Variants in SAMD7 observed in about 807,000 individuals in gnomAD.
SAMD7 encodes the protein sterile alpha motif domain containing 7.
In SAMD7, 34 loss-of-function variants were observed where a neutral mutation model predicts 36.7. The ratio of observed to expected loss-of-function variants is 0.93; its 90% CI spans 0.71 to 1.23. SAMD7 has a LOEUF of 1.23. Ranked by LOEUF, SAMD7 falls within the 50% of genes most tolerant of loss-of-function variation. The pLI is 0.00. For missense variants in SAMD7, 570 were observed against 546.6 expected (o/e 1.04, Z -0.43); for synonymous variants, 188 against 189.7 (o/e 0.99, Z 0.07).
At chr3:169,916,643 G>A (rs1033247832) in intron 2 of SAMD7, among the ~76,000 whole-genome samples, 2 of 152,168 alleles carry the variant, frequency 1.3e-5, no homozygotes, top group African/African-American at 4.8e-5. Flanking sequence ...GTGAGACTCT[G>A]TCTCAAAACA....
rs144829875 is a variant in SAMD7, at chr3:169,927,015, C to A, written c.753C>A (p.Thr251=). 8.9e-5 allele frequency: 143 copies of A among 1,613,768 alleles called. No homozygotes were observed. In the African/African-American group the frequency reaches 1.6e-3, roughly 18 times the overall value. The part of the protein sequence containing the change: ...NEKPTTALAN[T]CGELEPTHRK... The stretch of plus-strand genomic sequence containing the variant: ...AGCCAACGACAGCTCTTGCCAACAC[C>A]TGTGGAGAGCTCGAGCCCACCCATA... Residue 251 remains threonine, a synonymous_variant, in exon 6 of 9, where the codon ACC becomes ACA. Coordinates refer to ENST00000335556, the MANE Select transcript of SAMD7 (RefSeq NM_001304366.2).
At position 169,926,899 on chromosome 3, in the gene SAMD7, A is replaced by G. The variant is rs1165788812; in HGVS notation, c.637A>G (p.Thr213Ala). 1 of 1,613,830 alleles carries G rather than the reference A, an allele frequency of 6.2e-7. No individual in the cohort carries two copies. Among genetic ancestry groups the G allele is most frequent in the Admixed American group, 1.7e-5 (1 of 59,960 alleles). The stretch of plus-strand genomic sequence containing the variant: ...AGCAGAAGAAAAAATCCTAGGTCAG[A>G]CTCATGCAGTTCCCTATGAAGAGGA... ...SQAEEKILGQ[T>A]HAVPYEEDHY... The change falls in exon 6 of 9, where the codon ACT (threonine) becomes GCT (alanine). Residue 213 changes from threonine (T) to alanine (A), a missense_variant. Thr to Ala is a moderately conservative substitution (Grantham distance 58). Transcript: ENST00000335556.
intron 2 of SAMD7, among the ~76,000 whole-genome samples, chr3:169,918,181 G>A (rs942263006): frequency 5.3e-5 from 8 of 151,530 alleles, no homozygotes; most frequent in East Asian, 1.9e-4. Context: ...CAAACGATCC[G>A]CCTGCCTCAG....
At chr3:169,912,831 C>T (rs965333329) in intron 1 of SAMD7, among the ~76,000 whole-genome samples, 12 of 152,150 alleles carry the variant, frequency 7.9e-5, no homozygotes, top group African/African-American at 2.7e-4. Context: ...CCAAGTGCTT[C>T]GGTATGAACT....
chr3:169,920,477 T>G (rs975228845), intron 3 of SAMD7, among the ~76,000 whole-genome samples: 1 of 152,198 alleles, frequency 6.6e-6, no homozygotes, highest in African/African-American at 2.4e-5. Flanking sequence ...ATTACCTCCT[T>G]AAAGGCCCTA....
chr3:169,928,711 C>A, intron 7 of SAMD7, 133 bp downstream of exon 7: 1 of 915,210 alleles, frequency 1.1e-6, no homozygotes, highest in Non-Finnish European at 1.7e-6. Context: ...ATGCCAGTGT[C>A]TACCCTGGGA....
chr3:169,927,167 G>A lies in SAMD7; in HGVS notation c.905G>A (p.Arg302Gln), dbSNP rs750348887. 11 of 1,528,818 alleles carry A rather than the reference G, an allele frequency of 7.2e-6. No individual in the cohort carries two copies. The Middle Eastern group carries it at 5.4e-4, about 75-fold the overall frequency. 94.7% of individuals were successfully genotyped at this position (1,528,818 alleles called of 1,614,324 possible). Residue 302 changes from arginine to glutamine, a missense_variant, in exon 6 of 9, where the codon CGA becomes CAA. Transcript: ENST00000335556. ...AATGGGGTTTGCCCTCCAGTTCCTC[G>A]ACCATCTCTGCCAGGTGGGTGTCCA... Reference protein sequence around the residue: ...EKNGVCPPVPRPSLPGTHALV... With the variant: ...EKNGVCPPVPQPSLPGTHALV...
At chr3:169,932,979 T>A (rs754596757) in intron 7 of SAMD7, 1 of 712,256 alleles carries the variant, frequency 1.4e-6, no homozygotes, top group Non-Finnish European at 2.6e-6. Context: ...AGAAGCATTC[T>A]TTCCCCCCCT....
rs1428677058 is a variant in SAMD7 at position 169,926,612 on chromosome 3, A to G, written c.350A>G (p.Lys117Arg). Residue 117 changes from lysine to arginine, a missense_variant, in exon 6 of 9, where the codon AAG (lysine) becomes AGG (arginine). Physicochemically the swap from Lys to Arg is conservative, Grantham distance 26 (BLOSUM62 2). Coordinates refer to ENST00000335556, the MANE Select transcript of SAMD7 (RefSeq NM_001304366.2). ...QQRRMEKINP[K>R]GLAGLGIPFL... ...AGGAGAATGGAAAAAATTAATCCCA[A>G]GGGACTAGCAGGCCTAGGGATACCC... The G allele has an allele frequency of 6.2e-7, 1 of 1,613,580 alleles. No homozygotes were observed. The highest frequency in any genetic ancestry group is 1.7e-5 in the Admixed American group (1 of 59,954).
chr3:169,912,068 G>T (rs1712621023), intron 1 of SAMD7, among the ~76,000 whole-genome samples: 1 of 152,154 alleles, frequency 6.6e-6, no homozygotes, highest in Non-Finnish European at 1.5e-5. Context: ...AGTTTTTGGA[G>T]TTTTTTAAGT....
chr3:169,932,027 A>G, intron 7 of SAMD7: 1 of 703,804 alleles, frequency 1.4e-6, no homozygotes, highest in Non-Finnish European at 2.1e-6. Context: ...TCATGCTGTT[A>G]GCAATTCCTG....
In SAMD7 at chr3:169,923,630, T is replaced by C. The variant is rs142117418; in HGVS notation, c.212-1428T>C. Among the ~76,000 whole-genome samples the C allele has an allele frequency of 1.7e-3, 260 of 152,298 alleles. 1 individual carries two copies. Among genetic ancestry groups the C allele is most frequent in the African/African-American group, 6.1e-3 (252 of 41,566 alleles). On this transcript the variant is annotated intron_variant, in intron 4 of 8. Coordinates refer to ENST00000335556, the MANE Select transcript of SAMD7 (RefSeq NM_001304366.2). ...GGTGTCACATGCCTGTAGTCCCAGC[T>C]ACTTGGGAGGCTGAGGCAGGAGAAT...
chr3:169,925,314 C>T (rs1423464457), intron 5 of SAMD7, among the ~76,000 whole-genome samples, 178 bp downstream of exon 5: 1 of 151,990 alleles, frequency 6.6e-6, no homozygotes, highest in Non-Finnish European at 1.5e-5. Flanking sequence ...TCTGCTCTGC[C>T]TATGGGGTAG....
chr3:169,936,296 A>C (rs762418213), intron 7 of SAMD7, 43 bp from the exon 8 acceptor site: 3 of 1,286,346 alleles, frequency 2.3e-6, no homozygotes, highest in Non-Finnish European at 3.3e-6. Context: ...CTTTTTCAAA[A>C]AAAGACATTC....
intron 7 of SAMD7, among the ~76,000 whole-genome samples, chr3:169,929,127 T>A (rs1713390340): frequency 6.6e-6 from 1 of 152,328 alleles, no homozygotes; most frequent in African/African-American, 2.4e-5. Context: ...AATACCATTT[T>A]AAAAAACTAT....
intron 2 of SAMD7, among the ~76,000 whole-genome samples, chr3:169,916,793 G>A (rs1712822123): frequency 6.6e-6 from 1 of 152,234 alleles, no homozygotes; most frequent in Non-Finnish European, 1.5e-5. Flanking sequence ...GAAACACCTA[G>A]TGGTGTCCCC....
intron 8 of SAMD7, 57 bp from the exon 9 acceptor site, chr3:169,938,261 C>A: frequency 8.5e-7 from 1 of 1,175,212 alleles, no homozygotes. Flanking sequence ...GTGTTTAATG[C>A]TGAGTTAATG....
At chr3:169,919,912 C>A (rs148706446) in intron 3 of SAMD7, among the ~76,000 whole-genome samples, 1 of 152,188 alleles carries the variant, frequency 6.6e-6, no homozygotes, top group African/African-American at 2.4e-5. Context: ...CAGTGGCTCA[C>A]GCCTGTAATC....
Position 169,915,435 on chromosome 3 carries a change from C to G in SAMD7, c.-48C>G, listed in dbSNP as rs1174144424. ...TTGGTGATTCATCTCCACGGCTTTT[C>G]CTAAAGGTAACATGTAAGAGGAAGA... On this transcript the variant is annotated 5_prime_UTR_variant, in exon 2 of 9. Transcript: ENST00000335556. The G allele has an allele frequency of 6.6e-6, 1 of 152,056 alleles. No individual in the cohort carries two copies. Among genetic ancestry groups the G allele is most frequent in the Non-Finnish European group, 1.5e-5 (1 of 68,030 alleles). 9.4% of individuals were successfully genotyped at this position (152,056 alleles called of 1,614,324 possible).
Sources: gnomAD v4.1 joint callset for allele counts (sites outside exome capture counted in the v4.1 genomes callset) on GRCh38, gnomAD v4.1.1 for gene constraint, MANE v1.5 for transcripts, NCBI Gene and HGNC (gene_info 2026-07-23, HGNC 2026-07-21) for gene names.